B4GALT6: variants seen among roughly 807,000 people sequenced by gnomAD.
The protein encoded by B4GALT6 is UDP-Gal:beta-GlcNAc beta-1,4-galactosyltransferase 6.
B4GALT6 carries 14 observed loss-of-function variants against 46.3 expected under a neutral mutation model. The observed-to-expected ratio is 0.30, with a 90% CI of 0.20 to 0.47. The LOEUF (loss-of-function observed/expected upper bound fraction) is 0.47. Ranked by LOEUF, B4GALT6 falls within the 20% of genes least tolerant of loss-of-function variation. B4GALT6 has a pLI of 0.99. For missense variants in B4GALT6, 386 were observed against 480.1 expected, an observed-to-expected ratio of 0.80 and a Z score of 1.83; for synonymous variants, 168 against 162.0, an observed-to-expected ratio of 1.04 and a Z score of -0.28.
At chr18:31,692,049 A>C in the B4GALT6 span, among the ~76,000 whole-genome samples, 1 of 152,222 alleles carries the variant, frequency 6.6e-6, no homozygotes, top group Non-Finnish European at 1.5e-5. Context: ...TCAACATATT[A>C]GGTCAAAGAA....
rs986986854 is a variant in B4GALT6 at position 31,661,194 on chromosome 18, T to C, written c.233-3105A>G. ...TCTTAACAACATCAACAATACCGAT[T>C]TGAATTTAAATTGTGACATAATTAT... On this transcript the variant is annotated intron_variant, in intron 2 of 8. Coordinates refer to ENST00000306851, the MANE Select transcript of B4GALT6 (RefSeq NM_004775.5). Among the ~76,000 whole-genome samples, 9 of 152,202 alleles carry C rather than the reference T, an allele frequency of 5.9e-5. No individual in the cohort carries two copies. In the East Asian group the frequency reaches 1.7e-3, roughly 29 times the overall value.
At chr18:31,660,437 T>C (rs979920948) in intron 2 of B4GALT6, among the ~76,000 whole-genome samples, 4 of 152,214 alleles carry the variant, frequency 2.6e-5, no homozygotes, top group African/African-American at 7.2e-5. Context: ...ACTATTGTTA[T>C]GAGTTTTGTG....
intron 3 of B4GALT6, among the ~76,000 whole-genome samples, chr18:31,655,023 A>C (rs2074120567): frequency 2.0e-5 from 3 of 152,240 alleles, no homozygotes; most frequent in Admixed American, 6.5e-5. Flanking sequence ...GAAAGGGAGA[A>C]TCAAATTAAT....
chr18:31,646,759 C>T (rs576921177), intron 3 of B4GALT6, among the ~76,000 whole-genome samples: 36 of 152,364 alleles, frequency 2.4e-4, no homozygotes, highest in African/African-American at 8.7e-4. Flanking sequence ...GGCCTCTCTT[C>T]CTGTCCCCAC....
intron 3 of B4GALT6, among the ~76,000 whole-genome samples, chr18:31,645,903 TTGAC>T (rs1243830295): frequency 2.0e-5 from 3 of 152,192 alleles, no homozygotes; most frequent in African/African-American, 7.2e-5. Flanking sequence ...AGCAGTCAGA[TTGAC>T]TGGGAACTGA....
the B4GALT6 span, chr18:31,724,102 C>T: frequency 3.4e-6 from 1 of 291,242 alleles, no homozygotes; most frequent in Non-Finnish European, 6.8e-6. Context: ...GATAAGATTG[C>T]CCTGGTGACG....
intron 1 of B4GALT6, among the ~76,000 whole-genome samples, chr18:31,671,357 C>T (rs2074354929): frequency 6.6e-6 from 1 of 152,156 alleles, no homozygotes. Flanking sequence ...ATTTACCCTC[C>T]CACCAACAGT....
chr18:31,642,725 C>T (rs2073944882), intron 4 of B4GALT6, among the ~76,000 whole-genome samples: 1 of 152,170 alleles, frequency 6.6e-6, no homozygotes, highest in African/African-American at 2.4e-5. Flanking sequence ...TTTGTGTTGC[C>T]CAGTCTGGAG....
chr18:31,647,111 A>T (rs1013165708), intron 3 of B4GALT6, among the ~76,000 whole-genome samples: 1 of 152,272 alleles, frequency 6.6e-6, no homozygotes, highest in African/African-American at 2.4e-5. Flanking sequence ...TAACATTGTA[A>T]TCAAATAAAA....
At chr18:31,694,112 A>C in the B4GALT6 span, among the ~76,000 whole-genome samples, 5 of 152,260 alleles carry the variant, frequency 3.3e-5, no homozygotes, top group African/African-American at 1.2e-4. Context: ...TCAAGGCAAG[A>C]CAGTAAGCAT....
chr18:31,673,268 T>C (rs1451682103), intron 1 of B4GALT6, among the ~76,000 whole-genome samples: 1 of 149,936 alleles, frequency 6.7e-6, no homozygotes, highest in South Asian at 2.1e-4. Context: ...AGATGGAGAG[T>C]TTAAAAAAAA....
At chr18:31,625,874 A>C in intron 8 of B4GALT6, 113 bp from the exon 9 acceptor site, 1 of 840,934 alleles carries the variant, frequency 1.2e-6, no homozygotes, top group South Asian at 2.8e-5. Flanking sequence ...GCCCTTTACA[A>C]TTTCTGGTTC....
intron 2 of B4GALT6, among the ~76,000 whole-genome samples, chr18:31,658,919 A>C (rs2074177171): frequency 6.6e-6 from 1 of 152,226 alleles, no homozygotes; most frequent in Non-Finnish European, 1.5e-5. Flanking sequence ...CCCACGAGAC[A>C]GTCACAGGCT....
chr18:31,634,288 T>C lies in B4GALT6; in HGVS notation c.589-3142A>G, dbSNP rs538492383. ...CACAGGATAAACTGGAAAAAGTTTC[T>C]ACAAGATACAACAGAGTAATGACCT... is the stretch of plus-strand genomic sequence containing the variant. On this transcript the variant is annotated intron_variant, in intron 5 of 8. Transcript: ENST00000306851. 4.6e-5 allele frequency among the ~76,000 whole-genome samples: 7 copies of C among 152,362 alleles called. No individual in the cohort carries two copies. In the South Asian group the frequency reaches 1.5e-3, roughly 32 times the overall value.
the B4GALT6 span, among the ~76,000 whole-genome samples, chr18:31,720,948 A>G: frequency 6.6e-6 from 1 of 152,186 alleles, no homozygotes; most frequent in Non-Finnish European, 1.5e-5. Flanking sequence ...AGTATACATC[A>G]TTTGTTTTCA....
chr18:31,691,926 A>G, the B4GALT6 span, among the ~76,000 whole-genome samples: 5 of 150,070 alleles, frequency 3.3e-5, no homozygotes, highest in African/African-American at 4.8e-5. Context: ...AAAGAGAGAA[A>G]GAAACTGACC....
the B4GALT6 span, among the ~76,000 whole-genome samples, chr18:31,699,086 A>C: frequency 6.6e-6 from 1 of 151,876 alleles, no homozygotes; most frequent in Non-Finnish European, 1.5e-5. Context: ...TCTCAAAAAA[A>C]AAAAAAAAGA....
At chr18:31,661,117 C>T (rs2074209386) in intron 2 of B4GALT6, among the ~76,000 whole-genome samples, 1 of 152,114 alleles carries the variant, frequency 6.6e-6, no homozygotes, top group Non-Finnish European at 1.5e-5. Flanking sequence ...AACAGATCTA[C>T]AAAACGAACA....
At chr18:31,662,194 G>A (rs1043226448) in intron 2 of B4GALT6, among the ~76,000 whole-genome samples, 2 of 152,076 alleles carry the variant, frequency 1.3e-5, no homozygotes, top group African/African-American at 2.4e-5. Flanking sequence ...TTCAAGTTAC[G>A]CAATATCATT....
Sources: allele counts gnomAD v4.1 joint callset (sites outside exome capture counted in the v4.1 genomes callset), GRCh38; gene constraint gnomAD v4.1.1; transcripts MANE v1.5; gene names NCBI Gene and HGNC (gene_info 2026-07-23, HGNC 2026-07-21).